Variants in SLC25A33 observed in about 807,000 individuals in gnomAD.
SLC25A33 encodes the protein solute carrier family 25 member 33.
SLC25A33 carries 15 observed loss-of-function variants against 35.5 expected under a neutral mutation model. That is an observed-to-expected ratio of 0.42 (90% CI 0.28 to 0.65). The LOEUF (loss-of-function observed/expected upper bound fraction) is 0.65. Among genes scored for constraint, SLC25A33 ranks in the 30% least tolerant of loss-of-function variants. The pLI is 0.20. For missense variants in SLC25A33, 257 were observed against 398.5 expected (o/e 0.64, Z 3.02); for synonymous variants, 136 against 148.7 (o/e 0.91, Z 0.62).
At chr1:9,574,075 A>G (rs1396593875) in intron 5 of SLC25A33, among the ~76,000 whole-genome samples, 2 of 148,716 alleles carry the variant, frequency 1.3e-5, no homozygotes, top group African/African-American at 2.5e-5. Flanking sequence ...ACTGCAATCT[A>G]TGCCTCCTAA....
At chr1:9,549,777 C>G (rs1373491674) in intron 1 of SLC25A33, among the ~76,000 whole-genome samples, 1 of 151,004 alleles carries the variant, frequency 6.6e-6, no homozygotes, top group Non-Finnish European at 1.5e-5. Flanking sequence ...CCCGCCACCA[C>G]ACCCAGCTAA....
intron 1 of SLC25A33, among the ~76,000 whole-genome samples, chr1:9,553,312 C>T (rs1260489126): frequency 2.1e-5 from 3 of 141,768 alleles, no homozygotes; most frequent in Non-Finnish European, 4.5e-5. Context: ...GCAGCCTCTG[C>T]CTCCTGGGTT....
intron 4 of SLC25A33, 66 bp downstream of exon 4, chr1:9,570,424 G>T (rs1643572915): frequency 1.5e-6 from 2 of 1,348,790 alleles, no homozygotes; most frequent in Non-Finnish European, 2.1e-6. Context: ...CATTGTGCCA[G>T]TTTTTCCAGG....
At chr1:9,577,814 A>T (rs1643683637) in intron 5 of SLC25A33, among the ~76,000 whole-genome samples, 1 of 152,172 alleles carries the variant, frequency 6.6e-6, no homozygotes, top group Non-Finnish European at 1.5e-5. Flanking sequence ...GCCTAGTGTG[A>T]ATAGAGGCCG....
intron 2 of SLC25A33, among the ~76,000 whole-genome samples, chr1:9,556,992 G>T (rs1178814640): frequency 2.0e-5 from 3 of 152,180 alleles, no homozygotes; most frequent in African/African-American, 7.2e-5. Flanking sequence ...AGGCTGGAGT[G>T]CAATGGCGTG....
chr1:9,554,124 T>C (rs1435477383), intron 2 of SLC25A33, among the ~76,000 whole-genome samples: 1 of 152,188 alleles, frequency 6.6e-6, no homozygotes, highest in African/African-American at 2.4e-5. Flanking sequence ...TAAGAGGTGA[T>C]AGAGTAAAAT....
intron 1 of SLC25A33, among the ~76,000 whole-genome samples, chr1:9,542,001 G>A (rs1643092159): frequency 6.6e-6 from 1 of 151,908 alleles, no homozygotes; most frequent in Non-Finnish European, 1.5e-5. Flanking sequence ...GGGTTTAACC[G>A]TGTTAGCCAG....
chr1:9,582,202 C>T lies in SLC25A33; in HGVS notation c.764-97C>T, dbSNP rs1643754733. ...GTTCTGGGATTACAGGTGTGAGCCA[C>T]CGCACCCGGCCTAACCTTGACAGTT... On this transcript the variant is annotated intron_variant, in intron 6 of 6. Coordinates refer to ENST00000302692, the MANE Select transcript of SLC25A33 (RefSeq NM_032315.3). This position sits in a 1 kb window ranked among gnomAD's most constrained non-coding sequence, Gnocchi z 4.0. 7.3e-7 allele frequency: 1 copy of T among 1,367,106 alleles called. No homozygotes were observed. The allele number at this position is 1,367,106 out of a possible 1,614,324, so 84.7% of individuals were successfully genotyped here. A position where few individuals can be genotyped will look rare whatever the true frequency, so the allele number is the denominator to read the frequency against.
chr1:9,564,451 A>G (rs937896032), intron 2 of SLC25A33, among the ~76,000 whole-genome samples: 5 of 152,128 alleles, frequency 3.3e-5, no homozygotes, highest in African/African-American at 7.2e-5. Context: ...CAAGGACTCA[A>G]ACAAATATTT....
At chr1:9,559,194 C>T (rs556960400) in intron 2 of SLC25A33, among the ~76,000 whole-genome samples, 5 of 152,326 alleles carry the variant, frequency 3.3e-5, no homozygotes, top group African/African-American at 1.2e-4. Flanking sequence ...TTATCCGTAG[C>T]ACTTACGTCC....
intron 6 of SLC25A33, among the ~76,000 whole-genome samples, chr1:9,580,947 T>G (rs1643738114): frequency 6.6e-6 from 1 of 151,770 alleles, no homozygotes; most frequent in Non-Finnish European, 1.5e-5. Flanking sequence ...GGTAAGTTTA[T>G]TTTTTTGAGT....
intron 2 of SLC25A33, among the ~76,000 whole-genome samples, chr1:9,556,964 G>A (rs927749236): frequency 8.5e-5 from 13 of 152,240 alleles, no homozygotes; most frequent in Admixed American, 7.8e-4. Flanking sequence ...TTGAGACAGA[G>A]TTTCACTCTT....
In SLC25A33 at chr1:9,539,736, C is replaced by T. The variant is rs12402458; in HGVS notation, c.45C>T (p.Leu15=). 13 of 1,405,948 alleles carry T rather than the reference C, an allele frequency of 9.2e-6. No homozygotes were observed. In the East Asian group the frequency reaches 9.7e-5, roughly 11 times the overall value. 87.1% of individuals were successfully genotyped at this position (1,405,948 alleles called of 1,614,324 possible). Residue 15 remains leucine (L), a synonymous_variant, in exon 1 of 7, where the codon CTC becomes CTT. Coordinates refer to ENST00000302692, the MANE Select transcript of SLC25A33 (RefSeq NM_032315.3). ...GQQKENTLLH[L]FAGGCGGTVG... ...AGAAGGAGAACACGCTGCTTCACCT[C>T]TTCGCCGGCGGGTGAGTTCCCGGGC...
chr1:9,576,711 C>G, intron 5 of SLC25A33: 1 of 728,220 alleles, frequency 1.4e-6, no homozygotes, highest in South Asian at 1.3e-5. Context: ...CTCACTTCCC[C>G]ACCGACATTG....
At position 9,582,265 on chromosome 1, in the gene SLC25A33, A is replaced by G. The variant is rs536362004; in HGVS notation, c.764-34A>G. On this transcript the variant is annotated intron_variant, in intron 6 of 6. Coordinates refer to ENST00000302692, the MANE Select transcript of SLC25A33 (RefSeq NM_032315.3). The surrounding 1 kb of genome is among the most constrained non-coding windows in gnomAD (Gnocchi z 4.0). ...GCTGTGGATTCGTTCCCCATTTAAT[A>G]TGTGGCGTAAAGTAGGTCTTTCTCT... The G allele has an allele frequency of 1.2e-6, 2 of 1,607,802 alleles. No homozygotes were observed. Among genetic ancestry groups the G allele is most frequent in the African/African-American group, 1.3e-5 (1 of 74,878 alleles).
intron 2 of SLC25A33, among the ~76,000 whole-genome samples, chr1:9,565,865 G>A (rs1487804926): frequency 6.7e-6 from 1 of 149,356 alleles, no homozygotes; most frequent in African/African-American, 2.5e-5. Context: ...GTGACAGAGT[G>A]AGACTCTGTC....
Position 9,580,231 on chromosome 1 carries a change from C to T in SLC25A33, c.760C>T (p.His254Tyr). Residue 254 changes from histidine (H) to tyrosine (Y), a missense_variant, in exon 6 of 7, where the codon CAC becomes TAC. Coordinates refer to ENST00000302692, the MANE Select transcript of SLC25A33 (RefSeq NM_032315.3). Reference sequence around the variant, plus strand: ...CTGTGCCTCCTGCATTGCTTATCCACACGGTATGTTTTGCTTTTGTTCTTC... The same window carrying T: ...CTGTGCCTCCTGCATTGCTTATCCATACGGTATGTTTTGCTTTTGTTCTTC... The part of the protein sequence containing the change: ...KGCASCIAYP[H>Y]EVIRTRLREE... 2 of 1,610,718 alleles carry T rather than the reference C, an allele frequency of 1.2e-6. No individual in the cohort carries two copies. The highest frequency in any genetic ancestry group is 1.7e-6 in the Non-Finnish European group (2 of 1,178,756).
intron 1 of SLC25A33, among the ~76,000 whole-genome samples, chr1:9,551,424 T>C (rs529488446): frequency 2.6e-5 from 4 of 152,312 alleles, no homozygotes; most frequent in African/African-American, 9.6e-5. Context: ...ATGGGGATTT[T>C]ACTTCATTCG....
intron 1 of SLC25A33, among the ~76,000 whole-genome samples, chr1:9,552,189 A>G (rs529374629): frequency 1.4e-4 from 22 of 152,246 alleles, no homozygotes; most frequent in African/African-American, 5.1e-4. Context: ...AATGAGGGAA[A>G]CACAAGGACT....
Sources: gnomAD v4.1 joint callset for allele counts (sites outside exome capture counted in the v4.1 genomes callset) on GRCh38, gnomAD v4.1.1 for gene constraint, Gnocchi (gnomAD v3.1) non-coding constraint, MANE v1.5 for transcripts, NCBI Gene and HGNC (gene_info 2026-07-23, HGNC 2026-07-21) for gene names.